Variants in DNAI4 observed in about 807,000 individuals in gnomAD.
The protein encoded by DNAI4 is dynein axonemal intermediate chain 4.
A neutral mutation model predicts 105.8 loss-of-function variants in DNAI4; 85 were observed. The ratio of observed to expected loss-of-function variants is 0.80; its 90% confidence interval spans 0.67 to 0.96. The LOEUF is 0.96. DNAI4 is among the 40% of genes least tolerant of loss of function. DNAI4 has a pLI of 0.00. For missense variants in DNAI4, 1,014 were observed against 1,005.6 expected (o/e 1.01, Z -0.11); for synonymous variants, 352 against 331.5 (o/e 1.06, Z -0.67).
At chr1:66,880,490 A>T (rs1647046941) in intron 4 of DNAI4, among the ~76,000 whole-genome samples, 1 of 152,174 alleles carries the variant, frequency 6.6e-6, no homozygotes, top group Non-Finnish European at 1.5e-5. Context: ...AACTGGAGCA[A>T]AGGTGACTCT....
intron 1 of DNAI4, among the ~76,000 whole-genome samples, chr1:66,919,340 A>C (rs547132439): frequency 6.6e-6 from 1 of 152,334 alleles, no homozygotes; most frequent in South Asian, 2.1e-4. Context: ...TGCACAATAA[A>C]ATAATCTCAC....
chr1:66,834,481 GACTTTT>G (rs1645939352), intron 11 of DNAI4, among the ~76,000 whole-genome samples: 1 of 151,746 alleles, frequency 6.6e-6, no homozygotes, highest in African/African-American at 2.4e-5. Flanking sequence ...AATTCTTTCT[GACTTTT>G]ACTTTATTTT....
chr1:66,904,054 T>G (rs569708954), intron 2 of DNAI4, among the ~76,000 whole-genome samples: 1 of 149,360 alleles, frequency 6.7e-6, no homozygotes, highest in East Asian at 1.9e-4. Flanking sequence ...TTTAAATGCA[T>G]GTATTCATAT....
intron 1 of DNAI4, among the ~76,000 whole-genome samples, chr1:66,920,677 C>T (rs1031892808): frequency 2.0e-5 from 3 of 152,302 alleles, no homozygotes; most frequent in Admixed American, 6.5e-5. Context: ...CCCCTGCCAG[C>T]GCCTGCACAC....
chr1:66,827,848 A>C lies in DNAI4; in HGVS notation c.2076T>G (p.Tyr692Ter). The C allele has an allele frequency of 2.5e-6, 4 of 1,604,944 alleles. No homozygotes were observed. Among genetic ancestry groups the C allele is most frequent in the Non-Finnish European group, 3.4e-6 (4 of 1,174,878 alleles). ...EGHIHKCSCS[Y>*]NEQYLDTYRG... is the part of the protein sequence containing the mutation. ...TGTAGGTATCTAAGTATTGTTCATT[A>C]TATGAACAAGAACATTTGTGAATAT... The change falls in exon 14 of 17, where the codon TAT becomes TAG. Residue 692 changes from tyrosine (Y) to a stop codon, truncating the protein, a stop_gained. Transcript: ENST00000371026. LOFTEE classifies it high-confidence loss of function.
Position 66,893,333 on chromosome 1 carries a change from A to G in DNAI4, c.426T>C (p.Ser142=). 1.9e-6 allele frequency: 3 copies of G among 1,610,570 alleles called. No individual in the cohort carries two copies. Among genetic ancestry groups the G allele is most frequent in the South Asian group, 1.1e-5 (1 of 90,550 alleles). The change falls in exon 3 of 17, where the codon AGT becomes AGC. Residue 142 remains serine (S), a synonymous_variant. Transcript: ENST00000371026. ...ATCCTTCTTGTGATGTCAAGAGTTT[A>G]CTTGGTTTTGCTGTACCAGTAAGTG... ...PDPLTGTAKP[S]KLLTSQEGSL...
At chr1:66,833,271 G>A (rs181604812) in intron 13 of DNAI4, among the ~76,000 whole-genome samples, 42 of 152,140 alleles carry the variant, frequency 2.8e-4, no homozygotes, top group African/African-American at 9.9e-4. Flanking sequence ...CACATGTCAA[G>A]TATATAATCC....
intron 6 of DNAI4, among the ~76,000 whole-genome samples, chr1:66,866,908 A>G (rs990126168): frequency 1.9e-4 from 29 of 152,170 alleles, no homozygotes; most frequent in African/African-American, 6.3e-4. Flanking sequence ...TCCACATGGC[A>G]AGGGAGGCTT....
chr1:66,813,802 G>T lies in DNAI4; in HGVS notation c.*328C>A, dbSNP rs527182. 827 of 177,108 alleles carry T rather than the reference G, an allele frequency of 4.7e-3. 11 individuals carry two copies. The highest frequency in any genetic ancestry group is 0.019 in the African/African-American group (794 of 42,676). 11.0% of individuals were successfully genotyped at this position (177,108 alleles called of 1,614,324 possible). On this transcript the variant is annotated 3_prime_UTR_variant, in exon 17 of 17. Coordinates refer to ENST00000371026, the MANE Select transcript of DNAI4 (RefSeq NM_024763.5). ...GTGATTCTATTAATTTCCAAGTTTC[G>T]CTTCTATAGGTATAATAATTTTCTA...
At chr1:66,907,861 A>G (rs1242320271) in intron 1 of DNAI4, among the ~76,000 whole-genome samples, 4 of 152,054 alleles carry the variant, frequency 2.6e-5, no homozygotes, top group African/African-American at 4.8e-5. Flanking sequence ...AGCATTTCCT[A>G]TTTTTCCAGC....
At chr1:66,873,224 T>G (rs968754812) in intron 5 of DNAI4, among the ~76,000 whole-genome samples, 2 of 148,438 alleles carry the variant, frequency 1.3e-5, no homozygotes, top group East Asian at 3.9e-4. Context: ...CTCCTCTCCC[T>G]CCTCTTCTTC....
intron 1 of DNAI4, among the ~76,000 whole-genome samples, chr1:66,913,933 T>G (rs1465462469): frequency 2.7e-5 from 4 of 147,422 alleles, no homozygotes; most frequent in Non-Finnish European, 5.9e-5. Context: ...GCAGTGAGCC[T>G]AGGTCGCGCC....
chr1:66,847,060 T>C (rs959157940), intron 8 of DNAI4, among the ~76,000 whole-genome samples: 1 of 152,186 alleles, frequency 6.6e-6, no homozygotes, highest in Non-Finnish European at 1.5e-5. Flanking sequence ...AGTAATTGAA[T>C]GCAGGAATAA....
At chr1:66,825,166 C>CTTTTTTTT (rs759572433) in intron 15 of DNAI4, among the ~76,000 whole-genome samples, 2 of 95,910 alleles carry the variant, frequency 2.1e-5, no homozygotes, top group Admixed American at 2.6e-4. Flanking sequence ...TAATAACTGT[C>CTTTTTTTT]TTTTTTTTTT....
At chr1:66,835,169 C>T (rs191206332) in intron 11 of DNAI4, among the ~76,000 whole-genome samples, 110 of 151,896 alleles carry the variant, frequency 7.2e-4, no homozygotes, top group African/African-American at 2.5e-3. Context: ...TCCTTGCTCT[C>T]AAGGAACTTA....
At chr1:66,844,084 C>CAAAAAAAA (rs55925419) in intron 8 of DNAI4, among the ~76,000 whole-genome samples, 1 of 66,354 alleles carries the variant, frequency 1.5e-5, no homozygotes, top group African/African-American at 6.1e-5. Context: ...ACTGGAGATT[C>CAAAAAAAA]AAAAAAAAAA....
In DNAI4 at chr1:66,893,079, A is replaced by AAAAG. The variant is rs1306497798; in HGVS notation, c.530+149_530+150insCTTT. 3.3e-4 allele frequency: 126 copies of AAAAG among 376,734 alleles called. 3 individuals carry two copies. The highest frequency in any genetic ancestry group is 2.8e-3 in the African/African-American group (118 of 42,442). 23.3% of individuals were successfully genotyped at this position (376,734 alleles called of 1,614,324 possible). ...AGAGAGAGAGAGAAAGAAAGAAAGA[A>AAAAG]AGAAAGAAAGAAAGAAAGAAAGAAA... On this transcript the variant is annotated intron_variant, in intron 3 of 16. Coordinates refer to ENST00000371026, the MANE Select transcript of DNAI4 (RefSeq NM_024763.5).
intron 6 of DNAI4, among the ~76,000 whole-genome samples, chr1:66,864,340 G>A (rs1646687291): frequency 1.3e-5 from 2 of 152,100 alleles, no homozygotes. Flanking sequence ...ATAATTATAT[G>A]CTATTAAAGA....
intron 4 of DNAI4, among the ~76,000 whole-genome samples, chr1:66,878,997 C>G (rs945815385): frequency 1.3e-5 from 2 of 152,062 alleles, no homozygotes; most frequent in Non-Finnish European, 2.9e-5. Context: ...AGTCTGTATT[C>G]CATTGTAGGA....
Sources: gnomAD v4.1 joint callset for allele counts (sites outside exome capture counted in the v4.1 genomes callset) on GRCh38, gnomAD v4.1.1 for gene constraint, MANE v1.5 for transcripts, NCBI Gene and HGNC (gene_info 2026-07-23, HGNC 2026-07-21) for gene names.